NPAS3: variants seen among roughly 807,000 people sequenced by gnomAD.
NPAS3 encodes neuronal PAS domain protein 3, also known as neuronal PAS domain-containing protein 3.
In NPAS3, 14 loss-of-function variants were observed where a neutral mutation model predicts 73.1. That is an observed-to-expected ratio of 0.19 (90% confidence interval 0.13 to 0.30). The LOEUF (loss-of-function observed/expected upper bound fraction) is 0.30. NPAS3 is among the 10% of genes least tolerant of loss of function. The pLI, the probability that NPAS3 is intolerant of heterozygous loss-of-function variation, is 1.00. For synonymous variants in NPAS3, 620 were observed against 541.5 expected (o/e 1.14, Z -2.01); for missense variants, 1,096 against 1,250.0 (o/e 0.88, Z 1.86).
chr14:33,682,432 T>G (rs538446396), intron 6 of NPAS3, among the ~76,000 whole-genome samples: 47 of 152,364 alleles, frequency 3.1e-4, no homozygotes, highest in Non-Finnish European at 6.6e-4. Flanking sequence ...TATCTGTGTT[T>G]CTTAACTATG....
intron 5 of NPAS3, among the ~76,000 whole-genome samples, chr14:33,601,968 C>T (rs1423216044): frequency 1.3e-5 from 2 of 152,088 alleles, no homozygotes; most frequent in African/African-American, 4.8e-5. Context: ...TAATGAAGGA[C>T]AGTGATCCCA....
At chr14:33,269,555 C>A (rs2040975389) in intron 3 of NPAS3, among the ~76,000 whole-genome samples, 1 of 152,032 alleles carries the variant, frequency 6.6e-6, no homozygotes, top group African/African-American at 2.4e-5. Context: ...TAATTATTGA[C>A]CTATATACTA....
intron 3 of NPAS3, among the ~76,000 whole-genome samples, chr14:33,302,684 A>G (rs2042600625): frequency 6.6e-6 from 1 of 152,336 alleles, no homozygotes; most frequent in South Asian, 2.1e-4. Context: ...TTATTCCCAC[A>G]GTCTACGTTA....
intron 2 of NPAS3, among the ~76,000 whole-genome samples, chr14:33,163,955 T>C (rs1027220026): frequency 6.6e-6 from 1 of 152,214 alleles, no homozygotes; most frequent in Non-Finnish European, 1.5e-5. Flanking sequence ...ATTTCTCTGA[T>C]TGAATTGACT....
intron 3 of NPAS3, among the ~76,000 whole-genome samples, chr14:33,349,187 C>T (rs1292537013): frequency 1.3e-5 from 2 of 152,154 alleles, no homozygotes; most frequent in African/African-American, 4.8e-5. Flanking sequence ...GAATTCTCTG[C>T]ACTTGAATGT....
intron 6 of NPAS3, among the ~76,000 whole-genome samples, chr14:33,689,568 G>T (rs1023150994): frequency 6.6e-6 from 1 of 152,022 alleles, no homozygotes. Context: ...TACACAAATC[G>T]TAGTACCCAA....
intron 3 of NPAS3, among the ~76,000 whole-genome samples, chr14:33,312,207 C>CT (rs2043030083): frequency 1.3e-5 from 2 of 151,814 alleles, no homozygotes; most frequent in Admixed American, 1.3e-4. Context: ...TTATTACTTA[C>CT]TATGGATATT....
At chr14:32,986,313 T>C (rs1376335206) in intron 1 of NPAS3, among the ~76,000 whole-genome samples, 1 of 152,192 alleles carries the variant, frequency 6.6e-6, no homozygotes, top group African/African-American at 2.4e-5. Flanking sequence ...CGTATTTTAA[T>C]GAGGAGAAAG....
At chr14:32,959,944 G>A (rs998525906) in intron 1 of NPAS3, among the ~76,000 whole-genome samples, 6 of 151,132 alleles carry the variant, frequency 4.0e-5, no homozygotes, top group South Asian at 4.2e-4. Flanking sequence ...TAAGAGACAC[G>A]TGATATCTAA....
At chr14:33,306,302 G>C (rs759472222) in intron 3 of NPAS3, among the ~76,000 whole-genome samples, 7 of 152,100 alleles carry the variant, frequency 4.6e-5, no homozygotes, top group African/African-American at 7.2e-5. Flanking sequence ...CTCATAAACT[G>C]ACCTAGTGAT....
chr14:33,382,917 C>T (rs546204221), intron 4 of NPAS3, among the ~76,000 whole-genome samples: 121 of 151,868 alleles, frequency 8.0e-4, no homozygotes, highest in African/African-American at 2.7e-3. Context: ...CTGGCAATAC[C>T]TCATCTCTAC....
chr14:33,275,305 A>G (rs141769472), intron 3 of NPAS3, among the ~76,000 whole-genome samples: 186 of 152,308 alleles, frequency 1.2e-3, no homozygotes, highest in Non-Finnish European at 2.4e-3. Flanking sequence ...CCCAATTTTA[A>G]CAGTGCTAAA....
intron 6 of NPAS3, chr14:33,680,967 C>A: frequency 3.9e-6 from 1 of 253,550 alleles, no homozygotes; most frequent in South Asian, 1.3e-4. Context: ...CGCTATGTCC[C>A]GAATGTTTTT....
chr14:33,263,538 T>G (rs1350463913), intron 3 of NPAS3, among the ~76,000 whole-genome samples: 2 of 152,212 alleles, frequency 1.3e-5, no homozygotes, highest in Non-Finnish European at 2.9e-5. Context: ...TAGTATAGTT[T>G]GAAGTCAGGT....
At chr14:33,109,562 T>C (rs555465840) in intron 2 of NPAS3, among the ~76,000 whole-genome samples, 29 of 152,250 alleles carry the variant, frequency 1.9e-4, no homozygotes, top group African/African-American at 7.0e-4. Flanking sequence ...ATACTGCATT[T>C]GATATTGCAA....
intron 5 of NPAS3, among the ~76,000 whole-genome samples, chr14:33,602,124 G>T (rs752228460): frequency 1.5e-4 from 23 of 152,354 alleles, no homozygotes; most frequent in Admixed American, 3.3e-4. Flanking sequence ...AAGGGGCAGA[G>T]ATGAGAGCTC....
intron 3 of NPAS3, among the ~76,000 whole-genome samples, chr14:33,322,171 C>G (rs534707439): frequency 1.3e-5 from 2 of 152,184 alleles, no homozygotes; most frequent in Non-Finnish European, 2.9e-5. Flanking sequence ...CAAATTGGAC[C>G]AAGACTGATG....
intron 4 of NPAS3, among the ~76,000 whole-genome samples, chr14:33,385,965 C>T (rs932403395): frequency 3.3e-5 from 5 of 152,104 alleles, no homozygotes; most frequent in Admixed American, 1.3e-4. Context: ...TGAGTATACA[C>T]ATTGACTTAT....
intron 2 of NPAS3, among the ~76,000 whole-genome samples, chr14:33,184,014 C>T (rs1457822133): frequency 1.3e-5 from 2 of 152,182 alleles, no homozygotes; most frequent in South Asian, 4.1e-4. Flanking sequence ...GTGAAACCTT[C>T]CTTGATCTGA....
Sources: gnomAD v4.1 joint callset for allele counts (sites outside exome capture counted in the v4.1 genomes callset) on GRCh38, gnomAD v4.1.1 for gene constraint, MANE v1.5 for transcripts, NCBI Gene and HGNC (gene_info 2026-07-23, HGNC 2026-07-21) for gene names.